Variants in FAM180A observed in about 807,000 individuals in gnomAD.
FAM180A encodes the protein protein FAM180A.
FAM180A carries 14 observed loss-of-function variants against 15.3 expected under a neutral mutation model. The ratio of observed to expected loss-of-function variants is 0.92; its 90% CI spans 0.61 to 1.43. The LOEUF is 1.43. Ranked by LOEUF, FAM180A falls within the 40% of genes most tolerant of loss-of-function variation. The pLI is 0.00. For synonymous variants in FAM180A, 90 were observed against 96.8 expected, an observed-to-expected ratio of 0.93 and a Z score of 0.41; for missense variants, 200 against 220.8, an observed-to-expected ratio of 0.91 and a Z score of 0.60.
chr7:135,740,981 A>C (rs10280047), intron 1 of FAM180A, among the ~76,000 whole-genome samples: 17,045 of 151,762 alleles, frequency 0.11, 2,574 homozygotes, highest in African/African-American at 0.35. Context: ...AAACAAAAAA[A>C]AAAACCTCAG....
intron 2 of FAM180A, 54 bp downstream of exon 2, chr7:135,737,045 G>A: frequency 7.1e-7 from 1 of 1,410,370 alleles, no homozygotes. Context: ...AAAAGATAGA[G>A]AAAGTGCAGA....
chr7:135,742,465 A>G (rs10225929), intron 1 of FAM180A, among the ~76,000 whole-genome samples: 4,405 of 152,272 alleles, frequency 0.029, 213 homozygotes, highest in African/African-American at 0.098. Context: ...CTGAGACTCA[A>G]TGGTCAGCTT....
At chr7:135,746,118 C>G (rs912481431) in intron 1 of FAM180A, among the ~76,000 whole-genome samples, 31 of 152,252 alleles carry the variant, frequency 2.0e-4, no homozygotes, top group African/African-American at 7.5e-4. Context: ...TCTAGCACGT[C>G]ACATCCGCTG....
Position 135,737,006 on chromosome 7 carries a change from G to A in FAM180A, c.177+93C>T, listed in dbSNP as rs184679249. 2.1e-4 allele frequency: 209 copies of A among 973,030 alleles called. No homozygotes were observed. In the African/African-American group the frequency reaches 2.7e-3, roughly 13 times the overall value. 60.3% of individuals were successfully genotyped at this position (973,030 alleles called of 1,614,324 possible). ...CACAGCAGGGGTCACTCATGGTCAG[G>A]GGCTGAGGGGTCACTTCTCCTTTTC... is the stretch of plus-strand genomic sequence containing the variant. On this transcript the variant is annotated intron_variant, in intron 2 of 3. Transcript: ENST00000338588.
chr7:135,730,988 A>C (rs1796772495), intron 3 of FAM180A, among the ~76,000 whole-genome samples: 1 of 151,456 alleles, frequency 6.6e-6, no homozygotes, highest in Non-Finnish European at 1.5e-5. Context: ...ATTGATTGCC[A>C]CAAAAATTCA....
At chr7:135,744,393 G>A (rs1051830807) in intron 1 of FAM180A, among the ~76,000 whole-genome samples, 6 of 152,208 alleles carry the variant, frequency 3.9e-5, no homozygotes, top group Admixed American at 2.0e-4. Flanking sequence ...GAAGCAACTC[G>A]ATGGAAAGGA....
intron 1 of FAM180A, among the ~76,000 whole-genome samples, chr7:135,743,432 G>A (rs1432408775): frequency 6.6e-6 from 1 of 151,982 alleles, no homozygotes; most frequent in East Asian, 1.9e-4. Flanking sequence ...GGCCAGGCTG[G>A]TCTCGAACTC....
intron 3 of FAM180A, among the ~76,000 whole-genome samples, chr7:135,732,707 A>T (rs1406993999): frequency 8.6e-6 from 1 of 116,890 alleles, no homozygotes; most frequent in Admixed American, 9.7e-5. Context: ...ACACACACAC[A>T]CACACACACA....
intron 1 of FAM180A, 92 bp downstream of exon 1, chr7:135,748,413 G>T: frequency 1.1e-6 from 1 of 943,144 alleles, no homozygotes. Context: ...AGGAGAGTGC[G>T]GGGCTTCTAA....
At chr7:135,733,259 C>T (rs1253683472) in intron 3 of FAM180A, among the ~76,000 whole-genome samples, 1 of 152,218 alleles carries the variant, frequency 6.6e-6, no homozygotes, top group Non-Finnish European at 1.5e-5. Flanking sequence ...CAACCCAGCA[C>T]CCTAGTCCCT....
In FAM180A at chr7:135,740,949, T is replaced by TA. The variant is rs1007003025; in HGVS notation, c.77-3751dup. Among the ~76,000 whole-genome samples the TA allele has an allele frequency of 1.0e-3, 56 of 55,588 alleles. 1 individual carries two copies. The South Asian group carries it at 0.012, about 12-fold the overall frequency. The allele number at this position is 55,588 out of a possible 152,430, so 36.5% of individuals were successfully genotyped here. On this transcript the variant is annotated intron_variant, in intron 1 of 3. Transcript: ENST00000338588. The stretch of plus-strand genomic sequence containing the variant: ...TGCCAAATTAAAGGTATTATTCCCT[T>TA]AAAAAAAAACAAAACAAAACAAAAC...
chr7:135,734,536 A>G (rs1446112205), intron 2 of FAM180A, among the ~76,000 whole-genome samples: 2 of 152,204 alleles, frequency 1.3e-5, no homozygotes, highest in Non-Finnish European at 2.9e-5. Context: ...ATAATTAGTA[A>G]CACCATCTAC....
At position 135,733,884 on chromosome 7, in the gene FAM180A, G is replaced by A. The variant is rs999058211; in HGVS notation, c.*91C>T. On this transcript the variant is annotated 3_prime_UTR_variant, in exon 3 of 4. Coordinates refer to ENST00000338588, the MANE Select transcript of FAM180A (RefSeq NM_205855.4). ...GCTCTGTGTCAGCGGTAAGAGTTTT[G>A]TTGCTGGTCTCTGTAAATGGAGTAG... 2.1e-6 allele frequency: 3 copies of A among 1,455,054 alleles called. No homozygotes were observed. In the East Asian group the frequency reaches 7.3e-5, roughly 36 times the overall value. 90.1% of individuals were successfully genotyped at this position (1,455,054 alleles called of 1,614,324 possible).
intron 3 of FAM180A, among the ~76,000 whole-genome samples, chr7:135,732,978 CTCTT>C (rs1563177985): frequency 2.0e-5 from 3 of 152,154 alleles, no homozygotes; most frequent in Admixed American, 6.5e-5. Context: ...CGTTGGGAGA[CTCTT>C]TGTGCATTAG....
At chr7:135,743,861 C>T (rs1796991204) in intron 1 of FAM180A, among the ~76,000 whole-genome samples, 1 of 152,172 alleles carries the variant, frequency 6.6e-6, no homozygotes, top group African/African-American at 2.4e-5. Flanking sequence ...CTGCCCTGGT[C>T]ACTAAGCTCT....
intron 1 of FAM180A, among the ~76,000 whole-genome samples, chr7:135,744,669 G>C (rs1445219314): frequency 6.6e-6 from 1 of 152,206 alleles, no homozygotes; most frequent in Non-Finnish European, 1.5e-5. Flanking sequence ...ATGGGGGATG[G>C]AGAAATATGC....
intron 1 of FAM180A, among the ~76,000 whole-genome samples, chr7:135,747,540 C>T (rs1436983507): frequency 1.3e-5 from 2 of 152,032 alleles, no homozygotes; most frequent in Non-Finnish European, 2.9e-5. Context: ...ATCCTTCTCT[C>T]GCGCTGCTCT....
At chr7:135,734,452 G>T in intron 2 of FAM180A, 133 bp from the exon 3 acceptor site, 3 of 799,736 alleles carry the variant, frequency 3.8e-6, no homozygotes, top group South Asian at 2.0e-5. Flanking sequence ...TTCCAGTTCT[G>T]ACTTTCTCAC....
intron 3 of FAM180A, among the ~76,000 whole-genome samples, chr7:135,732,793 A>G (rs893605571): frequency 1.3e-5 from 2 of 152,184 alleles, no homozygotes; most frequent in South Asian, 2.1e-4. Context: ...GGTGATTTGT[A>G]TATATAGTTT....
Sources: allele counts gnomAD v4.1 joint callset (sites outside exome capture counted in the v4.1 genomes callset), GRCh38; gene constraint gnomAD v4.1.1; transcripts MANE v1.5; gene names NCBI Gene and HGNC (gene_info 2026-07-23, HGNC 2026-07-21).